The following TSHR variants were observed in gnomAD, a reference collection of about 807,000 sequenced individuals.
TSHR encodes thyrotropin receptor.
In TSHR, 51 loss-of-function variants were observed where a neutral mutation model predicts 64.1. That is an observed-to-expected ratio of 0.80 (90% CI 0.64 to 1.01). The LOEUF (loss-of-function observed/expected upper bound fraction) is 1.01. Ranked by LOEUF, TSHR falls within the 50% of genes least tolerant of loss-of-function variation. The probability of loss-of-function intolerance (pLI) is 0.00; values close to 1 mark genes in which losing one functional copy is unlikely to be tolerated. For missense variants in TSHR, 877 were observed against 942.8 expected, an observed-to-expected ratio of 0.93 and a Z score of 0.91; for synonymous variants, 361 against 361.9, an observed-to-expected ratio of 1.00 and a Z score of 0.03.
At chr14:81,048,528 T>C (rs1466155979) in intron 1 of TSHR, among the ~76,000 whole-genome samples, 1 of 152,130 alleles carries the variant, frequency 6.6e-6, no homozygotes, top group African/African-American at 2.4e-5. Flanking sequence ...TGTAATGGAA[T>C]GATGTCAAAG....
intron 9 of TSHR, among the ~76,000 whole-genome samples, chr14:81,141,543 T>C (rs1238712404): frequency 6.6e-6 from 1 of 152,256 alleles, no homozygotes; most frequent in Admixed American, 6.5e-5. Flanking sequence ...TCTATGTGCC[T>C]GGCTGTTGTA....
At chr14:81,074,393 C>T (rs966891670) in intron 3 of TSHR, among the ~76,000 whole-genome samples, 11 of 152,014 alleles carry the variant, frequency 7.2e-5, no homozygotes, top group Admixed American at 2.6e-4. Context: ...TATTAAGCAG[C>T]GACTATAATC....
chr14:81,139,597 G>A (rs917191788), intron 8 of TSHR, 82 bp from the exon 9 acceptor site: 8 of 1,427,178 alleles, frequency 5.6e-6, no homozygotes, highest in Non-Finnish European at 2.0e-6. Flanking sequence ...TTAACCTCAG[G>A]CCTGTTTGAG....
At chr14:81,109,034 G>A (rs1396120658) in intron 8 of TSHR, 6 of 1,173,628 alleles carry the variant, frequency 5.1e-6, no homozygotes, top group East Asian at 4.2e-5. Context: ...TGAAGCCTCT[G>A]TATCATTGCC....
At chr14:80,991,520 C>CT in intron 1 of TSHR, 1 of 398,338 alleles carries the variant, frequency 2.5e-6, no homozygotes, top group East Asian at 3.6e-5. Flanking sequence ...CGCAACCATT[C>CT]TTTCCAAATT....
chr14:80,955,872 G>A (rs201052465), intron 1 of TSHR, 22 bp downstream of exon 1: 1 of 1,613,962 alleles, frequency 6.2e-7, no homozygotes, highest in African/African-American at 1.3e-5. Context: ...GGAGAGATCA[G>A]GGTAGGACCC....
chr14:81,099,080 C>T (rs1037720298), intron 7 of TSHR, among the ~76,000 whole-genome samples: 2 of 152,146 alleles, frequency 1.3e-5, no homozygotes, highest in African/African-American at 4.8e-5. Flanking sequence ...GTTTTCAAAG[C>T]ACTAATGCCT....
intron 7 of TSHR, chr14:81,104,911 A>C (rs1889799967): frequency 1.0e-6 from 1 of 985,290 alleles, no homozygotes; most frequent in African/African-American, 1.7e-5. Context: ...AGATGTAGCC[A>C]TGTCTATCTT....
At chr14:81,077,604 A>G (rs1887597667) in intron 3 of TSHR, among the ~76,000 whole-genome samples, 1 of 152,232 alleles carries the variant, frequency 6.6e-6, no homozygotes, top group African/African-American at 2.4e-5. Context: ...TTTCATGTAA[A>G]CATCACAGAA....
At chr14:81,015,919 T>C (rs1201340949) in intron 1 of TSHR, among the ~76,000 whole-genome samples, 1 of 152,172 alleles carries the variant, frequency 6.6e-6, no homozygotes, top group East Asian at 1.9e-4. Flanking sequence ...CATAACGTCC[T>C]CTAGTTTCAT....
At position 81,123,676 on chromosome 14, in the gene TSHR, A is replaced by G. The variant is rs368202714; in HGVS notation, c.692+15224A>G. Among the ~76,000 whole-genome samples, 6 of 152,344 alleles carry G rather than the reference A, an allele frequency of 3.9e-5. No homozygotes were observed. In the East Asian group the frequency reaches 5.8e-4, roughly 15 times the overall value. ...TCACGTCTAATAGTCTAAAAAGTCA[A>G]ACTTACCCACTTAATCATTGTTTTT... On this transcript the variant is annotated intron_variant, in intron 8 of 9. Coordinates refer to ENST00000298171, the MANE Select transcript of TSHR (RefSeq NM_000369.5).
In TSHR at chr14:81,145,718, C is replaced by T. The variant is rs1402597193; in HGVS notation, c.*1365C>T. 4 of 232,972 alleles carry T rather than the reference C, an allele frequency of 1.7e-5. No homozygotes were observed. The highest frequency in any genetic ancestry group is 2.5e-5 in the Non-Finnish European group (3 of 117,986). 14.4% of individuals were successfully genotyped at this position (232,972 alleles called of 1,614,324 possible). ...TCTGAAACTGCCAGCTCTTTCCAGC[C>T]CTGTTGATCACTGGACATAAAGCTT... On this transcript the variant is annotated 3_prime_UTR_variant, in exon 10 of 10. Transcript: ENST00000298171.
chr14:81,061,303 A>G (rs1011740599), intron 1 of TSHR, among the ~76,000 whole-genome samples: 1 of 152,154 alleles, frequency 6.6e-6, no homozygotes, highest in Non-Finnish European at 1.5e-5. Context: ...TAAATTCAGT[A>G]GTCTTAACAT....
In TSHR at chr14:81,092,608, T is replaced by G. The variant is rs1198568173; in HGVS notation, c.545T>G (p.Leu182Arg). 6.2e-7 allele frequency: 1 copy of G among 1,613,720 alleles called. No individual in the cohort carries two copies. Among genetic ancestry groups the G allele is most frequent in the Admixed American group, 1.7e-5 (1 of 60,016 alleles). ...GGACTATGCAATGAAACCTTGACACTGTGAGTATTACCAGTTCTACTCCCT... is the reference window on the plus strand; with the variant it reads ...GGACTATGCAATGAAACCTTGACACGGTGAGTATTACCAGTTCTACTCCCT... Reference protein sequence around the residue: ...FQGLCNETLTLKLYNNGFTSV... With the variant: ...FQGLCNETLTRKLYNNGFTSV... Residue 182 changes from leucine to arginine, a missense_variant and splice_region_variant, in exon 6 of 10, where the codon CTG becomes CGG. Leu to Arg is a moderately radical substitution (Grantham distance 102, BLOSUM62 -2). Coordinates refer to ENST00000298171, the MANE Select transcript of TSHR (RefSeq NM_000369.5).
At chr14:81,051,901 A>G (rs1261243545) in intron 1 of TSHR, 1 of 152,068 alleles carries the variant, frequency 6.6e-6, no homozygotes, top group Non-Finnish European at 1.5e-5. Flanking sequence ...TTATTGAGTC[A>G]TTTGAGTTCC....
At chr14:81,068,948 AT>A (rs1373919903) in intron 3 of TSHR, among the ~76,000 whole-genome samples, 1 of 152,252 alleles carries the variant, frequency 6.6e-6, no homozygotes. Flanking sequence ...CCATTCAAAA[AT>A]AGAATAATTT....
At chr14:81,109,400 G>C (rs1890125851) in intron 8 of TSHR, among the ~76,000 whole-genome samples, 1 of 151,866 alleles carries the variant, frequency 6.6e-6, no homozygotes. Context: ...CAGAGCGAGA[G>C]TCTGTCTCAA....
At chr14:80,982,390 G>A (rs1888220114) in intron 1 of TSHR, 2 of 1,255,060 alleles carry the variant, frequency 1.6e-6, no homozygotes, top group Non-Finnish European at 2.2e-6. Flanking sequence ...TCATTCCGGT[G>A]CTAAGAATGA....
intron 1 of TSHR, among the ~76,000 whole-genome samples, chr14:80,975,961 G>A (rs1452738275): frequency 6.6e-6 from 1 of 151,482 alleles, no homozygotes; most frequent in African/African-American, 2.4e-5. Flanking sequence ...GCCCAGGCTG[G>A]AGTGCAGTGG....
Sources: allele counts gnomAD v4.1 joint callset (sites outside exome capture counted in the v4.1 genomes callset), GRCh38; gene constraint gnomAD v4.1.1; transcripts MANE v1.5; gene names NCBI Gene and HGNC (gene_info 2026-07-23, HGNC 2026-07-21).